The following SYNCRIP variants were observed in gnomAD, a reference collection of about 807,000 sequenced individuals.
The protein encoded by SYNCRIP is synaptotagmin binding cytoplasmic RNA interacting protein.
SYNCRIP carries 9 observed loss-of-function variants against 68.9 expected under a neutral mutation model. That is an observed-to-expected ratio of 0.13 (90% CI 0.08 to 0.23). The LOEUF (loss-of-function observed/expected upper bound fraction) is 0.23, where lower values mean the gene tolerates loss of function less well. Ranked by LOEUF, SYNCRIP falls within the 10% of genes least tolerant of loss-of-function variation. The pLI, the probability that SYNCRIP is intolerant of heterozygous loss-of-function variation, is 1.00. For missense variants in SYNCRIP, 414 were observed against 770.6 expected (o/e 0.54, Z 5.48); for synonymous variants, 258 against 254.0 (o/e 1.02, Z -0.15).
chr6:85,638,398 A>AAAAAAAAAG (rs1431450650), intron 4 of SYNCRIP, among the ~76,000 whole-genome samples: 2 of 150,388 alleles, frequency 1.3e-5, no homozygotes, highest in Non-Finnish European at 3.0e-5. Flanking sequence ...AAAAAAAAAA[A>AAAAAAAAAG]AAAAAAAAAA....
At chr6:85,637,922 G>C (rs1014550588) in intron 4 of SYNCRIP, among the ~76,000 whole-genome samples, 4 of 152,068 alleles carry the variant, frequency 2.6e-5, no homozygotes, top group Admixed American at 6.6e-5. Context: ...GGGTCCTTCA[G>C]AAAAAAGTAA....
intron 7 of SYNCRIP, 135 bp from the exon 8 acceptor site, chr6:85,622,822 A>G: frequency 1.4e-6 from 1 of 715,142 alleles, no homozygotes; most frequent in South Asian, 1.9e-5. Flanking sequence ...ACATCTTTAT[A>G]AAAGACTATC....
At chr6:85,613,875 TGTCA>T, downstream of SYNCRIP, 1 of 713,774 alleles carries the variant, frequency 1.4e-6, no homozygotes, top group Non-Finnish European at 1.7e-6. Flanking sequence ...AAAGTGGACT[TGTCA>T]GTGTGACCTG....
intron 2 of SYNCRIP, among the ~76,000 whole-genome samples, chr6:85,641,010 A>AT (rs1298827813): frequency 6.6e-6 from 1 of 152,328 alleles, no homozygotes; most frequent in East Asian, 1.9e-4. Context: ...AATACTCAAA[A>AT]AAGTCACATG....
In SYNCRIP at chr6:85,614,396, T is replaced by C. The variant is rs954698652; in HGVS notation, c.*360A>G. On this transcript the variant is annotated 3_prime_UTR_variant, in exon 11 of 11. Coordinates refer to ENST00000369622, the MANE Select transcript of SYNCRIP (RefSeq NM_006372.5). ...ACAAAGTTATTCTGATACAAGATAT[T>C]AAAGACACACTTGGTTTTAATCAAC... 1.4e-5 allele frequency: 14 copies of C among 1,003,546 alleles called. No individual in the cohort carries two copies. Among genetic ancestry groups the C allele is most frequent in the Non-Finnish European group, 1.7e-5 (14 of 842,480 alleles). The allele number at this position is 1,003,546 out of a possible 1,614,324, so 62.2% of individuals were successfully genotyped here. A position where few individuals can be genotyped will look rare whatever the true frequency, so the allele number is the denominator to read the frequency against.
chr6:85,613,508 T>C (rs1805428670), downstream of SYNCRIP, among the ~76,000 whole-genome samples: 1 of 152,122 alleles, frequency 6.6e-6, no homozygotes, highest in Admixed American at 6.6e-5. Context: ...CCCCCAAAAC[T>C]CTAACATTTT....
chr6:85,611,531 A>C (rs1284343410), downstream of SYNCRIP: 1 of 152,100 alleles, frequency 6.6e-6, no homozygotes, highest in Non-Finnish European at 1.5e-5. Flanking sequence ...GGAAGGGGGG[A>C]GGGGATTTCT....
At chr6:85,622,220 C>T (rs1189478187) in intron 8 of SYNCRIP, among the ~76,000 whole-genome samples, 1 of 151,790 alleles carries the variant, frequency 6.6e-6, no homozygotes, top group Non-Finnish European at 1.5e-5. Context: ...AAAAAAAACA[C>T]AAAAATTAGC....
At chr6:85,630,041 AAACCATCAG>A (rs920526747) in intron 6 of SYNCRIP, among the ~76,000 whole-genome samples, 2 of 152,050 alleles carry the variant, frequency 1.3e-5, no homozygotes, top group African/African-American at 4.8e-5. Context: ...CTGGTGACTA[AAACCATCAG>A]AACCATCAGA....
chr6:85,630,493 T>A (rs1807616307), intron 6 of SYNCRIP, among the ~76,000 whole-genome samples: 1 of 152,256 alleles, frequency 6.6e-6, no homozygotes, highest in African/African-American at 2.4e-5. Context: ...AATTGCAGCA[T>A]CACCAGCCTT....
At chr6:85,621,402 G>GT (rs776488070) in intron 8 of SYNCRIP, among the ~76,000 whole-genome samples, 10 of 152,244 alleles carry the variant, frequency 6.6e-5, no homozygotes, top group Admixed American at 1.3e-4. Flanking sequence ...GCTAAGAATT[G>GT]TAAGACCGGC....
intron 6 of SYNCRIP, among the ~76,000 whole-genome samples, chr6:85,624,725 C>T (rs1264282823): frequency 6.6e-6 from 1 of 152,134 alleles, no homozygotes; most frequent in South Asian, 2.1e-4. Context: ...ATTGAATTTT[C>T]GAGTAACCAT....
intron 6 of SYNCRIP, among the ~76,000 whole-genome samples, chr6:85,628,725 C>G (rs1807352126): frequency 6.6e-6 from 1 of 152,208 alleles, no homozygotes; most frequent in South Asian, 2.1e-4. Flanking sequence ...GACACCACAG[C>G]TTGTTAAACT....
chr6:85,611,846 T>C (rs1381268355), downstream of SYNCRIP: 2 of 152,598 alleles, frequency 1.3e-5, no homozygotes, highest in South Asian at 2.1e-4. Flanking sequence ...CATATACTAA[T>C]TTCTATGATT....
chr6:85,621,966 C>T (rs1192069089), intron 8 of SYNCRIP, among the ~76,000 whole-genome samples: 1 of 148,676 alleles, frequency 6.7e-6, no homozygotes, highest in Non-Finnish European at 1.5e-5. Flanking sequence ...GGCTAAGTAT[C>T]CACGCATCAA....
intron 6 of SYNCRIP, among the ~76,000 whole-genome samples, chr6:85,632,346 T>C (rs1807895204): frequency 1.3e-5 from 2 of 152,212 alleles, no homozygotes; most frequent in African/African-American, 4.8e-5. Flanking sequence ...CATTTAGTTA[T>C]ATATAACTAG....
chr6:85,615,988 A>G (rs1247119739), intron 10 of SYNCRIP, among the ~76,000 whole-genome samples: 2 of 152,250 alleles, frequency 1.3e-5, no homozygotes, highest in Admixed American at 6.5e-5. Context: ...CTGTTTCTAC[A>G]ATAATGCTAT....
chr6:85,643,396 C>T (rs1809442449), upstream of SYNCRIP: 1 of 152,692 alleles, frequency 6.5e-6, no homozygotes, highest in South Asian at 2.1e-4. Context: ...GCCGCCTTCC[C>T]CGCTCCTCAC....
At chr6:85,623,562 C>CAAAAAAAAAAA (rs67258131) in intron 7 of SYNCRIP, among the ~76,000 whole-genome samples, 18 of 63,250 alleles carry the variant, frequency 2.8e-4, no homozygotes, top group African/African-American at 1.1e-3. Context: ...AGACTGTCTC[C>CAAAAAAAAAAA]AAAAAAAAAA....
Sources: allele counts gnomAD v4.1 joint callset (sites outside exome capture counted in the v4.1 genomes callset), GRCh38; gene constraint gnomAD v4.1.1; transcripts MANE v1.5; gene names NCBI Gene and HGNC (gene_info 2026-07-23, HGNC 2026-07-21).